Variants in ERC2 observed in about 807,000 individuals in gnomAD.
ERC2 encodes the protein ERC protein 2.
Under a neutral mutation model 114.8 loss-of-function variants are expected in ERC2, and 42 were observed. That is an observed-to-expected ratio of 0.37 (90% confidence interval 0.29 to 0.47). The LOEUF (loss-of-function observed/expected upper bound fraction) is 0.47. ERC2 is among the 20% of genes least tolerant of loss of function. The pLI, the probability that ERC2 is intolerant of heterozygous loss-of-function variation, is 0.99. For missense variants in ERC2, 939 were observed against 1,150.7 expected (o/e 0.82, Z 2.66); for synonymous variants, 454 against 425.5 (o/e 1.07, Z -0.82).
intron 7 of ERC2, among the ~76,000 whole-genome samples, chr3:56,031,676 C>A (rs564743701): frequency 6.9e-4 from 105 of 152,308 alleles, no homozygotes; most frequent in African/African-American, 2.5e-3. Flanking sequence ...TGTAAACTGA[C>A]TGGCAAACAA....
chr3:55,632,769 C>T (rs1033203652), intron 17 of ERC2, among the ~76,000 whole-genome samples: 1 of 152,172 alleles, frequency 6.6e-6, no homozygotes, highest in Admixed American at 6.5e-5. Context: ...CCCCAATTAA[C>T]ACCAAGATCC....
chr3:56,069,993 T>C (rs1456745355), intron 7 of ERC2, among the ~76,000 whole-genome samples: 1 of 152,178 alleles, frequency 6.6e-6, no homozygotes, highest in Non-Finnish European at 1.5e-5. Context: ...ACAGTAACTG[T>C]GAAGCAATAT....
In ERC2 at chr3:55,663,870, T is replaced by C. The variant is rs149725467; in HGVS notation, c.*39+19924A>G. Among the ~76,000 whole-genome samples the C allele has an allele frequency of 2.6e-3, 399 of 152,306 alleles. 2 individuals carry two copies. Among genetic ancestry groups the C allele is most frequent in the African/African-American group, 9.3e-3 (388 of 41,560 alleles). The stretch of plus-strand genomic sequence containing the variant: ...ATGCAAGGAACCCTGTTTCTAACCA[T>C]GTACACACACTCTTTGCTGCTATTG... On this transcript the variant is annotated intron_variant, in intron 17 of 17. Coordinates refer to ENST00000288221, the MANE Select transcript of ERC2 (RefSeq NM_015576.3).
intron 17 of ERC2, among the ~76,000 whole-genome samples, chr3:55,665,043 T>C (rs542890377): frequency 6.6e-6 from 1 of 152,340 alleles, no homozygotes; most frequent in East Asian, 1.9e-4. Flanking sequence ...TACAGCCACA[T>C]TCTTCTGCAG....
intron 2 of ERC2, among the ~76,000 whole-genome samples, chr3:56,311,526 C>T (rs1188747612): frequency 6.6e-6 from 1 of 151,646 alleles, no homozygotes; most frequent in Non-Finnish European, 1.5e-5. Context: ...GTCTCAATCT[C>T]CTGACCTCGT....
chr3:56,015,954 A>T (rs1448035685), intron 8 of ERC2, among the ~76,000 whole-genome samples: 1 of 152,152 alleles, frequency 6.6e-6, no homozygotes, highest in Non-Finnish European at 1.5e-5. Flanking sequence ...TTCTCTAATG[A>T]TCAGTGATGT....
At chr3:55,946,855 A>G (rs934167796) in intron 13 of ERC2, among the ~76,000 whole-genome samples, 16 of 152,224 alleles carry the variant, frequency 1.1e-4, no homozygotes, top group Admixed American at 6.5e-4. Flanking sequence ...CTGAGAAACA[A>G]TAATTCAAGG....
intron 2 of ERC2, among the ~76,000 whole-genome samples, chr3:56,346,040 C>T (rs2150508831): frequency 6.6e-6 from 1 of 152,302 alleles, no homozygotes; most frequent in South Asian, 2.1e-4. Context: ...GGACATCATC[C>T]CAGGAGATGA....
intron 14 of ERC2, among the ~76,000 whole-genome samples, chr3:55,806,686 A>G (rs903806950): frequency 6.6e-6 from 1 of 152,210 alleles, no homozygotes; most frequent in African/African-American, 2.4e-5. Flanking sequence ...GACAGACCCT[A>G]CAACAAAGAA....
intron 11 of ERC2, among the ~76,000 whole-genome samples, chr3:55,987,996 G>T (rs368274655): frequency 7.2e-5 from 11 of 152,210 alleles, no homozygotes; most frequent in East Asian, 5.8e-4. Context: ...TACATGAAAG[G>T]TCACCCAAAC....
chr3:56,227,967 C>T (rs2050361612), intron 3 of ERC2, among the ~76,000 whole-genome samples: 1 of 152,056 alleles, frequency 6.6e-6, no homozygotes, highest in Admixed American at 6.6e-5. Context: ...ATATGGATAA[C>T]AACATGAAAG....
rs148964272 is a variant in ERC2, at chr3:55,934,488, A to G, written c.2403+15937T>C. 3.3e-3 allele frequency among the ~76,000 whole-genome samples: 497 copies of G among 152,294 alleles called. 3 individuals carry two copies. Among genetic ancestry groups the G allele is most frequent in the African/African-American group, 0.011 (460 of 41,552 alleles). ...TAGCTAGTCTTCTTATCCCCATTTT[A>G]AAGATAAGAAAACTGAGGCATAGCA... On this transcript the variant is annotated intron_variant, in intron 13 of 17. Transcript: ENST00000288221.
At chr3:56,291,034 G>A (rs1260650643) in intron 3 of ERC2, among the ~76,000 whole-genome samples, 1 of 152,182 alleles carries the variant, frequency 6.6e-6, no homozygotes, top group Non-Finnish European at 1.5e-5. Flanking sequence ...AGATCTTACA[G>A]CGAGATAAGT....
At chr3:55,809,279 G>T (rs75022379) in intron 14 of ERC2, among the ~76,000 whole-genome samples, 40 of 152,146 alleles carry the variant, frequency 2.6e-4, no homozygotes, top group African/African-American at 8.0e-4. Context: ...CAGCATTTAG[G>T]GTATCTATCA....
chr3:56,267,469 T>C (rs551951996), intron 3 of ERC2, among the ~76,000 whole-genome samples: 3 of 152,048 alleles, frequency 2.0e-5, no homozygotes, highest in South Asian at 2.1e-4. Flanking sequence ...GCGGGGACAG[T>C]GGGTAAAACA....
intron 16 of ERC2, among the ~76,000 whole-genome samples, chr3:55,697,987 T>C (rs1364025161): frequency 3.3e-5 from 5 of 151,724 alleles, no homozygotes; most frequent in Non-Finnish European, 7.4e-5. Context: ...GTGGTAGTGG[T>C]GGTGGTGGTG....
At chr3:56,194,187 T>C (rs1017299164) in intron 3 of ERC2, among the ~76,000 whole-genome samples, 1 of 152,012 alleles carries the variant, frequency 6.6e-6, no homozygotes, top group African/African-American at 2.4e-5. Flanking sequence ...AGTGAAAGAA[T>C]AGAACTAAAA....
At chr3:56,051,386 T>C (rs1027350410) in intron 7 of ERC2, among the ~76,000 whole-genome samples, 1 of 152,056 alleles carries the variant, frequency 6.6e-6, no homozygotes, top group African/African-American at 2.4e-5. Flanking sequence ...CAAATAATGA[T>C]GGACTGCCTT....
intron 14 of ERC2, among the ~76,000 whole-genome samples, chr3:55,776,943 C>T (rs981048404): frequency 2.0e-5 from 3 of 152,116 alleles, no homozygotes; most frequent in African/African-American, 4.8e-5. Flanking sequence ...GGAAAAAACA[C>T]GGGAGACATC....
Sources: gnomAD v4.1 joint callset for allele counts (sites outside exome capture counted in the v4.1 genomes callset) on GRCh38, gnomAD v4.1.1 for gene constraint, MANE v1.5 for transcripts, NCBI Gene and HGNC (gene_info 2026-07-23, HGNC 2026-07-21) for gene names.